The following ASTN2 variants were observed in gnomAD, a reference collection of about 807,000 sequenced individuals.
ASTN2 encodes astrotactin 2.
In ASTN2, 54 loss-of-function variants were observed where a neutral mutation model predicts 139.8. The ratio of observed to expected loss-of-function variants is 0.39; its 90% CI spans 0.31 to 0.48. ASTN2 has a LOEUF of 0.48. Among genes scored for constraint, ASTN2 ranks in the 20% least tolerant of loss-of-function variants. ASTN2 has a pLI of 0.95. For missense variants in ASTN2, 1,565 were observed against 1,725.1 expected, an observed-to-expected ratio of 0.91 and a Z score of 1.64; for synonymous variants, 756 against 719.5, an observed-to-expected ratio of 1.05 and a Z score of -0.81.
At chr9:117,400,496 A>T (rs1183343483) in intron 1 of ASTN2, among the ~76,000 whole-genome samples, 1 of 152,194 alleles carries the variant, frequency 6.6e-6, no homozygotes, top group African/African-American at 2.4e-5. Flanking sequence ...AGGGAGGGAC[A>T]GTAGGAACCC....
At chr9:116,695,101 C>T (rs1564212923) in intron 16 of ASTN2, among the ~76,000 whole-genome samples, 1 of 152,102 alleles carries the variant, frequency 6.6e-6, no homozygotes, top group Non-Finnish European at 1.5e-5. Context: ...ATTAGTTAAT[C>T]ATTGTTATGT....
At chr9:116,671,735 A>G (rs746262864) in intron 16 of ASTN2, among the ~76,000 whole-genome samples, 9 of 152,192 alleles carry the variant, frequency 5.9e-5, no homozygotes, top group Non-Finnish European at 1.0e-4. Context: ...CATGTGGCAA[A>G]GGATGGAGGG....
Position 117,250,070 on chromosome 9 carries a change from G to A in ASTN2, c.631-35328C>T, listed in dbSNP as rs147241897. ...GGCTTTTCCATTGCCCACTGCCCCC[G>A]CAGGGACTTCTTAATCCAGGTGGAA... On this transcript the variant is annotated intron_variant, in intron 2 of 22. Coordinates refer to ENST00000313400, the MANE Select transcript of ASTN2 (RefSeq NM_001365068.1). Among the ~76,000 whole-genome samples the A allele has an allele frequency of 1.1e-4, 16 of 152,236 alleles. No homozygotes were observed. The East Asian group carries it at 1.5e-3, about 15-fold the overall frequency.
Position 117,094,690 on chromosome 9 carries a change from C to T in ASTN2, c.1276+1354G>A, listed in dbSNP as rs149324731. ...GTAATGTGTCAATGGAAACACTCCTCCCACGTGGGGCTTTTCAGGGAAAGA... is the reference window on the plus strand; with the variant it reads ...GTAATGTGTCAATGGAAACACTCCTTCCACGTGGGGCTTTTCAGGGAAAGA... On this transcript the variant is annotated intron_variant, in intron 5 of 22. Coordinates refer to ENST00000313400, the MANE Select transcript of ASTN2 (RefSeq NM_001365068.1). 5.3e-5 allele frequency among the ~76,000 whole-genome samples: 8 copies of T among 152,254 alleles called. No homozygotes were observed. In the East Asian group the frequency reaches 1.5e-3, roughly 29 times the overall value.
chr9:117,071,602 C>T (rs1321266279), intron 5 of ASTN2, among the ~76,000 whole-genome samples: 2 of 150,116 alleles, frequency 1.3e-5, no homozygotes, highest in East Asian at 2.0e-4. Context: ...GGGCGCCCCT[C>T]CCCCAGCCTC....
At chr9:116,426,520 C>T (rs185424430) in intron 22 of ASTN2, among the ~76,000 whole-genome samples, 4 of 152,226 alleles carry the variant, frequency 2.6e-5, no homozygotes, top group Non-Finnish European at 2.9e-5. Context: ...AATGTATTGT[C>T]TACCCCCTTT....
intron 20 of ASTN2, among the ~76,000 whole-genome samples, chr9:116,476,466 T>C (rs924429948): frequency 6.6e-6 from 1 of 152,124 alleles, no homozygotes; most frequent in Non-Finnish European, 1.5e-5. Flanking sequence ...GGCTCTTCCT[T>C]GGTGTCCCCA....
intron 19 of ASTN2, chr9:116,584,254 T>C (rs1854063465): frequency 1.3e-5 from 2 of 152,184 alleles, no homozygotes; most frequent in African/African-American, 4.8e-5. Flanking sequence ...CCCAGAACAA[T>C]GCTGGAGGCA....
chr9:116,853,346 T>A (rs956551240), intron 11 of ASTN2, among the ~76,000 whole-genome samples: 2 of 152,198 alleles, frequency 1.3e-5, no homozygotes, highest in Non-Finnish European at 2.9e-5. Context: ...AAAAATTCTA[T>A]TATTATAATT....
At chr9:116,757,556 G>T (rs989203040) in intron 13 of ASTN2, among the ~76,000 whole-genome samples, 1 of 152,100 alleles carries the variant, frequency 6.6e-6, no homozygotes, top group African/African-American at 2.4e-5. Context: ...GAATTTCATG[G>T]TGAGACACAA....
chr9:116,713,735 G>C (rs1442220072), intron 16 of ASTN2, among the ~76,000 whole-genome samples: 1 of 152,120 alleles, frequency 6.6e-6, no homozygotes, highest in African/African-American at 2.4e-5. Flanking sequence ...TGTGCCTTTG[G>C]GTTGTATATC....
chr9:116,617,027 C>T (rs1216067088), intron 19 of ASTN2, among the ~76,000 whole-genome samples: 1 of 152,188 alleles, frequency 6.6e-6, no homozygotes, highest in Non-Finnish European at 1.5e-5. Flanking sequence ...GTTCCATGAC[C>T]TGTCCCTCTG....
chr9:116,856,009 T>C (rs915587587), intron 11 of ASTN2, among the ~76,000 whole-genome samples: 2 of 152,218 alleles, frequency 1.3e-5, no homozygotes, highest in African/African-American at 4.8e-5. Context: ...GAGAATTCTC[T>C]GTCTGTGAAC....
chr9:116,504,873 A>T (rs1379151529), intron 19 of ASTN2, among the ~76,000 whole-genome samples: 1 of 136,068 alleles, frequency 7.3e-6, no homozygotes, highest in Non-Finnish European at 1.5e-5. Context: ...TCTAGCCTGG[A>T]TGACCAAGTG....
chr9:116,885,836 T>C, intron 10 of ASTN2, among the ~76,000 whole-genome samples: 1 of 152,186 alleles, frequency 6.6e-6, no homozygotes, highest in Non-Finnish European at 1.5e-5. Context: ...ATAAGGCTGT[T>C]TGCTCATTCA....
chr9:116,719,375 T>C (rs1416407726), intron 16 of ASTN2, among the ~76,000 whole-genome samples: 5 of 151,992 alleles, frequency 3.3e-5, no homozygotes, highest in Non-Finnish European at 7.4e-5. Context: ...CAGGCTGAGA[T>C]TTTTCACCTT....
rs186270889 is a variant in ASTN2, at chr9:117,389,542, G to A, written c.442+24955C>T. ...TTTTGAAGGAGTGGAAGTAGGGTAT[G>A]GGCACCCTTTGTCTTACCTACCTCC... On this transcript the variant is annotated intron_variant, in intron 1 of 22. Coordinates refer to ENST00000313400, the MANE Select transcript of ASTN2 (RefSeq NM_001365068.1). Among the ~76,000 whole-genome samples, 35 of 152,248 alleles carry A rather than the reference G, an allele frequency of 2.3e-4. No homozygotes were observed. In the East Asian group the frequency reaches 4.4e-3, roughly 19 times the overall value.
chr9:117,224,977 T>C (rs570469817), intron 2 of ASTN2, among the ~76,000 whole-genome samples: 59 of 152,256 alleles, frequency 3.9e-4, no homozygotes, highest in African/African-American at 1.4e-3. Flanking sequence ...TTCTTAATCA[T>C]CTCTGTTTTC....
At chr9:117,170,265 A>G (rs577223259) in intron 3 of ASTN2, among the ~76,000 whole-genome samples, 1 of 152,172 alleles carries the variant, frequency 6.6e-6, no homozygotes, top group Non-Finnish European at 1.5e-5. Flanking sequence ...AGCCACTCCA[A>G]ATACAATGTG....
Sources: allele counts gnomAD v4.1 joint callset (sites outside exome capture counted in the v4.1 genomes callset), GRCh38; gene constraint gnomAD v4.1.1; transcripts MANE v1.5; gene names NCBI Gene and HGNC (gene_info 2026-07-23, HGNC 2026-07-21).